The following EPHA4 variants were observed in gnomAD, a reference collection of about 807,000 sequenced individuals.
EPHA4 encodes EPH receptor A4.
EPHA4 carries 19 observed loss-of-function variants against 108.3 expected under a neutral mutation model. That is an observed-to-expected ratio of 0.18 (90% confidence interval 0.12 to 0.26). EPHA4 has a LOEUF of 0.26. EPHA4 is among the 10% of genes least tolerant of loss of function. The pLI is 1.00. For missense variants in EPHA4, 917 were observed against 1,254.0 expected (o/e 0.73, Z 4.06); for synonymous variants, 449 against 455.5 (o/e 0.99, Z 0.18).
At chr2:221,552,918 G>A (rs760718592) in intron 3 of EPHA4, among the ~76,000 whole-genome samples, 1 of 152,116 alleles carries the variant, frequency 6.6e-6, no homozygotes, top group Non-Finnish European at 1.5e-5. Context: ...TTAAACTGAT[G>A]TAAAACATTA....
chr2:221,520,490 GACTTATTTCCTCTA>G (rs1693128853), intron 3 of EPHA4, among the ~76,000 whole-genome samples: 1 of 148,432 alleles, frequency 6.7e-6, no homozygotes, highest in African/African-American at 2.5e-5. Context: ...CAGAGTGTAA[GACTTATTTCCTCTA>G]ACCACACACA....
At chr2:221,561,417 A>C (rs947641097) in intron 3 of EPHA4, among the ~76,000 whole-genome samples, 1 of 152,192 alleles carries the variant, frequency 6.6e-6, no homozygotes, top group African/African-American at 2.4e-5. Context: ...TAATCATTTT[A>C]TTAGCAGAAA....
At chr2:221,460,929 C>A (rs994104587) in intron 5 of EPHA4, among the ~76,000 whole-genome samples, 1 of 152,214 alleles carries the variant, frequency 6.6e-6, no homozygotes, top group Non-Finnish European at 1.5e-5. Flanking sequence ...AATGCAGTAT[C>A]TTTAACTTCA....
At chr2:221,545,764 T>C (rs1478059423) in intron 3 of EPHA4, among the ~76,000 whole-genome samples, 1 of 152,112 alleles carries the variant, frequency 6.6e-6, no homozygotes, top group African/African-American at 2.4e-5. Flanking sequence ...CTCCCGGCAG[T>C]ACACACATTC....
intron 5 of EPHA4, among the ~76,000 whole-genome samples, chr2:221,480,708 T>C (rs1300457722): frequency 1.3e-5 from 2 of 152,224 alleles, no homozygotes; most frequent in African/African-American, 2.4e-5. Flanking sequence ...TCACATTAGA[T>C]ATTTTAAAAG....
upstream of EPHA4, chr2:221,572,385 G>A (rs1694873732): frequency 3.7e-5 from 25 of 677,978 alleles, no homozygotes; most frequent in East Asian, 7.2e-4. Flanking sequence ...TCCGGGGCCC[G>A]CGGCCAATGG....
intron 3 of EPHA4, among the ~76,000 whole-genome samples, chr2:221,542,041 A>G (rs1381642030): frequency 6.6e-6 from 1 of 152,222 alleles, no homozygotes; most frequent in Admixed American, 6.5e-5. Flanking sequence ...TAGTTTCAAG[A>G]AAATACATCC....
At chr2:221,498,106 C>T (rs2106154788) in intron 4 of EPHA4, among the ~76,000 whole-genome samples, 1 of 152,300 alleles carries the variant, frequency 6.6e-6, no homozygotes, top group East Asian at 1.9e-4. Flanking sequence ...GTTTCCTAAA[C>T]TCCCAAGTAG....
At chr2:221,521,994 C>G (rs1559277748) in intron 3 of EPHA4, among the ~76,000 whole-genome samples, 3 of 151,892 alleles carry the variant, frequency 2.0e-5, no homozygotes, top group Admixed American at 2.0e-4. Flanking sequence ...TAAAAACAAA[C>G]AAACAAAAAA....
At chr2:221,491,008 A>G (rs972569680) in intron 4 of EPHA4, among the ~76,000 whole-genome samples, 1 of 152,212 alleles carries the variant, frequency 6.6e-6, no homozygotes, top group Non-Finnish European at 1.5e-5. Flanking sequence ...GGATGCATCA[A>G]TCACTTGCTG....
chr2:221,428,535 G>A (rs1689979488), intron 15 of EPHA4, among the ~76,000 whole-genome samples: 1 of 152,160 alleles, frequency 6.6e-6, no homozygotes, highest in Admixed American at 6.5e-5. Flanking sequence ...AACAGAAGAA[G>A]TACCAAACAC....
intron 3 of EPHA4, among the ~76,000 whole-genome samples, chr2:221,504,542 TATATA>T: frequency 9.6e-3 from 1 of 104 alleles, no homozygotes; most frequent in African/African-American, 0.033. Context: ...GAAAATTTTA[TATATA>T]TATATATATA....
At chr2:221,529,253 G>A (rs1216932206) in intron 3 of EPHA4, among the ~76,000 whole-genome samples, 1 of 152,172 alleles carries the variant, frequency 6.6e-6, no homozygotes, top group African/African-American at 2.4e-5. Context: ...CCACAGGAAG[G>A]AAGGAAAGGG....
intron 11 of EPHA4, among the ~76,000 whole-genome samples, chr2:221,439,491 CTT>C (rs1175226553): frequency 2.1e-5 from 3 of 143,722 alleles, no homozygotes; most frequent in African/African-American, 2.5e-5. Context: ...CTTTTCTTTT[CTT>C]TTTTTTTTTT....
At chr2:221,448,901 G>T (rs949027556) in intron 8 of EPHA4, among the ~76,000 whole-genome samples, 2 of 152,132 alleles carry the variant, frequency 1.3e-5, no homozygotes, top group African/African-American at 4.8e-5. Context: ...CCGGGAAAGC[G>T]TTTATCTGTT....
intron 3 of EPHA4, among the ~76,000 whole-genome samples, chr2:221,509,816 G>A (rs1394168122): frequency 1.3e-5 from 2 of 152,160 alleles, no homozygotes; most frequent in African/African-American, 4.8e-5. Flanking sequence ...ACTGTCTGGT[G>A]GTCTCTTTTT....
rs1694560720 is a variant in EPHA4, at chr2:221,564,332, A to G, written c.222T>C (p.Asn74=). The change falls in exon 3 of 18, where the codon AAT becomes AAC. Residue 74 remains asparagine, a synonymous_variant. Coordinates refer to ENST00000281821, the MANE Select transcript of EPHA4 (RefSeq NM_004438.5). ...NTPIRTYQVC[N]VMEPSQNNWL... Reference sequence around the variant, plus strand: ...AGTTATTCTGGCTGGGTTCCATCACATTGCACACTTGGTAGGTTCGGATTG... The same window carrying G: ...AGTTATTCTGGCTGGGTTCCATCACGTTGCACACTTGGTAGGTTCGGATTG... The G allele has an allele frequency of 6.2e-7, 1 of 1,613,868 alleles. No individual in the cohort carries two copies.
At chr2:221,553,430 G>T (rs933971987) in intron 3 of EPHA4, among the ~76,000 whole-genome samples, 9 of 152,308 alleles carry the variant, frequency 5.9e-5, no homozygotes, top group Admixed American at 2.6e-4. Context: ...TCCTAACTGA[G>T]CTGAGTCTTA....
Position 221,429,982 on chromosome 2 carries a change from T to C in EPHA4, c.2666A>G (p.Lys889Arg), listed in dbSNP as rs754240886. The change falls in exon 15 of 18, where the codon AAG becomes AGG. Residue 889 changes from lysine to arginine, a missense_variant. Lys to Arg is a conservative substitution (Grantham distance 26). This residue lies in a region of EPHA4 where 133 missense variants were observed against 132.8 expected (regional missense o/e 1.00). Transcript: ENST00000281821. ...DKLIRNPNSLKRTGTESSRPN... is the reference protein window; with the variant it reads ...DKLIRNPNSLRRTGTESSRPN... ...CCTGGAGCTCTCCGTCCCTGTCCTC[T>C]TCAAGCTGTTGGGGTTGCGGATGAG... The C allele has an allele frequency of 5.0e-6, 8 of 1,614,142 alleles. No homozygotes were observed. In the South Asian group the frequency reaches 7.7e-5, roughly 16 times the overall value.
Sources: gnomAD v4.1 joint callset for allele counts (sites outside exome capture counted in the v4.1 genomes callset) on GRCh38, gnomAD v4.1.1 for gene constraint, gnomAD v4.1.1 regional missense constraint, MANE v1.5 for transcripts, NCBI Gene and HGNC (gene_info 2026-07-23, HGNC 2026-07-21) for gene names.